The following WDR49 variants were observed in gnomAD, a reference collection of about 807,000 sequenced individuals.
WDR49 encodes WD repeat domain 49, also known as cilia- and flagella-associated protein 337.
In WDR49, 107 loss-of-function variants were observed where a neutral mutation model predicts 119.5. The ratio of observed to expected loss-of-function variants is 0.90; its 90% CI spans 0.77 to 1.05. The LOEUF is 1.05. WDR49 is among the 50% of genes least tolerant of loss of function. The probability of loss-of-function intolerance (pLI) is 0.00; values close to 1 mark genes in which losing one functional copy is unlikely to be tolerated. For synonymous variants in WDR49, 425 were observed against 418.8 expected (o/e 1.01, Z -0.18); for missense variants, 1,240 against 1,220.5 (o/e 1.02, Z -0.24).
chr3:167,601,287 T>G (rs554094433), intron 7 of WDR49, among the ~76,000 whole-genome samples: 17 of 152,306 alleles, frequency 1.1e-4, no homozygotes, highest in African/African-American at 3.8e-4. Context: ...TTAATTTTGG[T>G]AGAATTTATG....
upstream of WDR49, among the ~76,000 whole-genome samples, chr3:167,655,322 T>C (rs375105232): frequency 6.6e-6 from 1 of 152,164 alleles, no homozygotes; most frequent in East Asian, 1.9e-4. Flanking sequence ...AAGGTGAGAT[T>C]TGGGTGGGGA....
chr3:167,521,997 GATA>G (rs1752460931), intron 16 of WDR49, among the ~76,000 whole-genome samples: 1 of 145,748 alleles, frequency 6.9e-6, no homozygotes, highest in Admixed American at 7.3e-5. Context: ...TAGATAGATA[GATA>G]GATAGATAGA....
intron 2 of WDR49, among the ~76,000 whole-genome samples, chr3:167,643,911 A>C (rs1717997099): frequency 6.6e-6 from 1 of 152,038 alleles, no homozygotes; most frequent in African/African-American, 2.4e-5. Context: ...GTATAAAATA[A>C]CTTTGGGAAA....
intron 5 of WDR49, among the ~76,000 whole-genome samples, chr3:167,605,103 T>TATAC (rs561414883): frequency 1.4e-5 from 2 of 147,050 alleles, no homozygotes; most frequent in African/African-American, 5.0e-5. Flanking sequence ...TGTATATATA[T>TATAC]ACACACACAC....
At chr3:167,508,775 T>C (rs1308101954) in intron 16 of WDR49, among the ~76,000 whole-genome samples, 1 of 152,206 alleles carries the variant, frequency 6.6e-6, no homozygotes, top group African/African-American at 2.4e-5. Flanking sequence ...AGGATAGTTA[T>C]TGCCAGATTG....
chr3:167,512,235 G>A (rs986459598), intron 16 of WDR49, among the ~76,000 whole-genome samples: 3 of 152,096 alleles, frequency 2.0e-5, no homozygotes, highest in Non-Finnish European at 4.4e-5. Context: ...CTCCAGGATG[G>A]ATCTCCCAGG....
intron 7 of WDR49, among the ~76,000 whole-genome samples, chr3:167,579,764 C>T (rs899314031): frequency 6.6e-6 from 1 of 151,996 alleles, no homozygotes; most frequent in African/African-American, 2.4e-5. Context: ...AATTGATAAG[C>T]TTTTATTTTG....
chr3:167,534,177 AGAGT>A (rs1752943823), intron 11 of WDR49, among the ~76,000 whole-genome samples: 1 of 152,224 alleles, frequency 6.6e-6, no homozygotes, highest in Admixed American at 6.5e-5. Flanking sequence ...CCTGGGCGAC[AGAGT>A]GAGACTCCAC....
rs113124482 is a variant in WDR49, at chr3:167,503,583, C to A, written c.2884+1724G>T. Among the ~76,000 whole-genome samples, 370 of 152,316 alleles carry A rather than the reference C, an allele frequency of 2.4e-3. 2 individuals carry two copies. The Middle Eastern group carries it at 0.031, about 13-fold the overall frequency. Reference sequence around the variant, plus strand: ...AATTAGGACGAACCAGGGCACTTAGCCGTGCAGGAACAATGGCAAGCCTTT... The same window carrying A: ...AATTAGGACGAACCAGGGCACTTAGACGTGCAGGAACAATGGCAAGCCTTT... On this transcript the variant is annotated intron_variant, in intron 17 of 18. Coordinates refer to ENST00000682715, the MANE Select transcript of WDR49 (RefSeq NM_001366157.1).
At chr3:167,643,580 C>A (rs984625716) in intron 2 of WDR49, among the ~76,000 whole-genome samples, 3 of 151,998 alleles carry the variant, frequency 2.0e-5, no homozygotes, top group Admixed American at 1.3e-4. Context: ...TTAATATCAA[C>A]CTTTTCATTA....
At chr3:167,617,461 T>C (rs1004662941) in intron 5 of WDR49, among the ~76,000 whole-genome samples, 1 of 152,172 alleles carries the variant, frequency 6.6e-6, no homozygotes, top group African/African-American at 2.4e-5. Flanking sequence ...GGGAGGTAGA[T>C]GTTGCAGTGA....
intron 18 of WDR49, among the ~76,000 whole-genome samples, chr3:167,495,582 T>C (rs1451630711): frequency 1.3e-5 from 2 of 152,004 alleles, no homozygotes; most frequent in East Asian, 3.8e-4. Flanking sequence ...ATATGTGTAA[T>C]TGCTATTCCA....
chr3:167,479,568 A>G (rs915280298), intron 18 of WDR49, among the ~76,000 whole-genome samples: 5 of 152,190 alleles, frequency 3.3e-5, no homozygotes, highest in Admixed American at 6.5e-5. Context: ...TATTTAAACA[A>G]ATGCTTATTG....
chr3:167,573,798 T>C (rs1346536493), intron 8 of WDR49, among the ~76,000 whole-genome samples: 5 of 152,330 alleles, frequency 3.3e-5, no homozygotes, highest in South Asian at 2.1e-4. Flanking sequence ...GCCGTCAATA[T>C]GCTCCTAAGA....
chr3:167,657,210 C>T (rs1483459849), upstream of WDR49, among the ~76,000 whole-genome samples: 1 of 151,998 alleles, frequency 6.6e-6, no homozygotes, highest in African/African-American at 2.4e-5. Context: ...ATATGATTAG[C>T]CAAAGAAAAG....
intron 17 of WDR49, among the ~76,000 whole-genome samples, chr3:167,503,332 G>C (rs568774123): frequency 6.6e-6 from 1 of 152,346 alleles, no homozygotes; most frequent in East Asian, 1.9e-4. Flanking sequence ...CACAGTGCTA[G>C]TGTTACTGGG....
chr3:167,628,669 C>G (rs983347767), intron 2 of WDR49, among the ~76,000 whole-genome samples: 2 of 152,078 alleles, frequency 1.3e-5, no homozygotes, highest in Non-Finnish European at 2.9e-5. Context: ...CATAAAAGTG[C>G]AACATGAAGC....
chr3:167,548,540 TTAAG>T (rs563023636), intron 10 of WDR49, among the ~76,000 whole-genome samples: 155 of 152,144 alleles, frequency 1.0e-3, no homozygotes, highest in African/African-American at 3.6e-3. Context: ...TCGCTAACTC[TTAAG>T]TAGTCTATTT....
chr3:167,496,968 T>TG (rs1225559796), intron 18 of WDR49, among the ~76,000 whole-genome samples: 1 of 152,180 alleles, frequency 6.6e-6, no homozygotes, highest in Non-Finnish European at 1.5e-5. Context: ...AGTCATTCAT[T>TG]GTAGCCAACT....
Sources: gnomAD v4.1 joint callset for allele counts (sites outside exome capture counted in the v4.1 genomes callset) on GRCh38, gnomAD v4.1.1 for gene constraint, MANE v1.5 for transcripts, NCBI Gene and HGNC (gene_info 2026-07-23, HGNC 2026-07-21) for gene names.